LDB2: variants seen among roughly 807,000 people sequenced by gnomAD.
LDB2 encodes the protein LIM domain binding 2, also known as LIM domain-binding protein 2.
In LDB2, 12 loss-of-function variants were observed where a neutral mutation model predicts 44.3. The observed-to-expected ratio is 0.27, with a 90% CI of 0.17 to 0.44. The LOEUF (loss-of-function observed/expected upper bound fraction) is 0.44, where lower values mean the gene tolerates loss of function less well. Among genes scored for constraint, LDB2 ranks in the 20% least tolerant of loss-of-function variants. LDB2 has a pLI of 1.00. For synonymous variants in LDB2, 164 were observed against 174.8 expected (o/e 0.94, Z 0.49); for missense variants, 344 against 473.5 (o/e 0.73, Z 2.54).
At position 16,608,206 on chromosome 4, in the gene LDB2, C is replaced by CAAA. The variant is rs71649969; in HGVS notation, c.236-12334_236-12332dup. Among the ~76,000 whole-genome samples the CAAA allele has an allele frequency of 7.6e-3, 520 of 68,174 alleles. 16 individuals are homozygous for CAAA. Among genetic ancestry groups the CAAA allele is most frequent in the African/African-American group, 0.023 (449 of 19,666 alleles). The allele number at this position is 68,174 out of a possible 152,430, so 44.7% of individuals were successfully genotyped here. ...CTCCATACAGAAAATCACACTTCTT[C>CAAA]AAAAAAAAAAAAAAAAAAAAAAGAC... On this transcript the variant is annotated intron_variant, in intron 2 of 7. Transcript: ENST00000304523.
At chr4:16,523,932 T>C (rs1175719756) in intron 5 of LDB2, among the ~76,000 whole-genome samples, 1 of 152,234 alleles carries the variant, frequency 6.6e-6, no homozygotes, top group East Asian at 1.9e-4. Context: ...CCTAGCTAAG[T>C]TGACAATTAA....
chr4:16,714,329 G>A (rs910249369), intron 2 of LDB2, among the ~76,000 whole-genome samples: 2 of 152,226 alleles, frequency 1.3e-5, no homozygotes, highest in Non-Finnish European at 2.9e-5. Context: ...AACTCAGCTA[G>A]CTGGATGTGA....
chr4:16,620,919 T>A (rs1348056753), intron 2 of LDB2, among the ~76,000 whole-genome samples: 4 of 152,242 alleles, frequency 2.6e-5, no homozygotes, highest in African/African-American at 9.6e-5. Context: ...TACATCTACC[T>A]TTGTCTTATT....
intron 5 of LDB2, among the ~76,000 whole-genome samples, chr4:16,521,670 C>T (rs1485463755): frequency 6.6e-6 from 1 of 152,136 alleles, no homozygotes; most frequent in Non-Finnish European, 1.5e-5. Context: ...CACTACAGTT[C>T]CAGCTGATAC....
chr4:16,829,460 T>G (rs1783666254), intron 1 of LDB2, among the ~76,000 whole-genome samples: 2 of 152,180 alleles, frequency 1.3e-5, no homozygotes. Flanking sequence ...TTTAAAACCG[T>G]GTGTCTATAT....
chr4:16,669,612 T>C (rs1744209468), intron 2 of LDB2, among the ~76,000 whole-genome samples: 1 of 152,244 alleles, frequency 6.6e-6, no homozygotes, highest in African/African-American at 2.4e-5. Context: ...GGTTAAGAAT[T>C]GTCTCTATTT....
chr4:16,812,279 C>A (rs1237428509), intron 1 of LDB2, among the ~76,000 whole-genome samples: 12 of 152,134 alleles, frequency 7.9e-5, no homozygotes, highest in Admixed American at 3.3e-4. Flanking sequence ...GGGTGAGTGA[C>A]AAGATATCAA....
intron 2 of LDB2, among the ~76,000 whole-genome samples, chr4:16,654,562 G>T (rs866680759): frequency 6.6e-6 from 1 of 152,184 alleles, no homozygotes; most frequent in Non-Finnish European, 1.5e-5. Flanking sequence ...AAAATGTGTT[G>T]TGGGACTCAA....
intron 2 of LDB2, among the ~76,000 whole-genome samples, chr4:16,634,688 T>TG (rs1733047207): frequency 6.6e-6 from 1 of 152,168 alleles, no homozygotes; most frequent in African/African-American, 2.4e-5. Context: ...TTTACACTGT[T>TG]GGCGGGAGTG....
chr4:16,716,658 C>G (rs1223824121), intron 2 of LDB2, among the ~76,000 whole-genome samples: 1 of 152,104 alleles, frequency 6.6e-6, no homozygotes, highest in African/African-American at 2.4e-5. Context: ...AATATGAAAA[C>G]TGGCTTGAAG....
chr4:16,794,611 G>A (rs1191056102), intron 1 of LDB2, among the ~76,000 whole-genome samples: 1 of 152,094 alleles, frequency 6.6e-6, no homozygotes, highest in Admixed American at 6.5e-5. Flanking sequence ...GTAAATAATA[G>A]AAGTATTTAT....
intron 1 of LDB2, among the ~76,000 whole-genome samples, chr4:16,870,119 G>A (rs939869199): frequency 1.3e-5 from 2 of 152,128 alleles, no homozygotes; most frequent in African/African-American, 4.8e-5. Flanking sequence ...GGCGATCCAC[G>A]ACATTCAGAG....
intron 2 of LDB2, among the ~76,000 whole-genome samples, chr4:16,640,403 TG>T: frequency 6.6e-6 from 1 of 152,304 alleles, no homozygotes; most frequent in Non-Finnish European, 1.5e-5. Context: ...CCTTCTAAGT[TG>T]CTGGGCTATT....
intron 2 of LDB2, among the ~76,000 whole-genome samples, chr4:16,601,209 ACT>A (rs1448056472): frequency 6.6e-6 from 1 of 152,098 alleles, no homozygotes; most frequent in African/African-American, 2.4e-5. Flanking sequence ...AGAATTTCTA[ACT>A]CTCTGGAAGT....
At chr4:16,657,222 T>C (rs898181958) in intron 2 of LDB2, among the ~76,000 whole-genome samples, 1 of 152,206 alleles carries the variant, frequency 6.6e-6, no homozygotes, top group Non-Finnish European at 1.5e-5. Context: ...TCCTAGAATG[T>C]GGTTACTAAA....
At chr4:16,879,438 A>G (rs924106936) in intron 1 of LDB2, among the ~76,000 whole-genome samples, 3 of 152,190 alleles carry the variant, frequency 2.0e-5, no homozygotes, top group Admixed American at 2.0e-4. Context: ...GTCTGGGTAA[A>G]GCACACAGCC....
Position 16,508,655 on chromosome 4 carries a change from C to T in LDB2, c.771G>A (p.Arg257=), listed in dbSNP as rs539193176. Residue 257 remains arginine (R), a synonymous_variant, in exon 7 of 8, where the codon CGG becomes CGA. Coordinates refer to ENST00000304523, the MANE Select transcript of LDB2 (RefSeq NM_001290.5). ...TGCTGGTGGAATTTTTCCTTTTTCTCCGTTTGGTTGTTGGTTGCCTTGTGG... is the reference window on the plus strand; with the variant it reads ...TGCTGGTGGAATTTTTCCTTTTTCTTCGTTTGGTTGTTGGTTGCCTTGTGG... ...AEPTRQPTTK[R]RKRKNSTSST... is the part of the protein sequence containing the mutation. The T allele has an allele frequency of 6.2e-7, 1 of 1,613,724 alleles. No individual in the cohort carries two copies. The highest frequency in any genetic ancestry group is 2.2e-5 in the East Asian group (1 of 44,858).
At chr4:16,831,445 T>C (rs1784064427) in intron 1 of LDB2, among the ~76,000 whole-genome samples, 2 of 152,136 alleles carry the variant, frequency 1.3e-5, no homozygotes, top group Non-Finnish European at 2.9e-5. Context: ...AAAAGCTTAC[T>C]CTGGCTATTG....
chr4:16,863,203 ATTAAT>A (rs1315580174), intron 1 of LDB2, among the ~76,000 whole-genome samples: 1 of 152,354 alleles, frequency 6.6e-6, no homozygotes, highest in African/African-American at 2.4e-5. Context: ...TCAACAACTT[ATTAAT>A]TTAATTCCTC....
Sources: allele counts gnomAD v4.1 joint callset (sites outside exome capture counted in the v4.1 genomes callset), GRCh38; gene constraint gnomAD v4.1.1; transcripts MANE v1.5; gene names NCBI Gene and HGNC (gene_info 2026-07-23, HGNC 2026-07-21).